The following NOS1AP variants were observed in gnomAD, a reference collection of about 807,000 sequenced individuals.
NOS1AP encodes the protein carboxyl-terminal PDZ ligand of neuronal nitric oxide synthase protein.
NOS1AP carries 21 observed loss-of-function variants against 56.2 expected under a neutral mutation model. That is an observed-to-expected ratio of 0.37 (90% CI 0.26 to 0.54). The LOEUF (loss-of-function observed/expected upper bound fraction) is 0.54. Ranked by LOEUF, NOS1AP falls within the 20% of genes least tolerant of loss-of-function variation. NOS1AP has a pLI of 0.84. For missense variants in NOS1AP, 522 were observed against 657.8 expected, an observed-to-expected ratio of 0.79 and a Z score of 2.26; for synonymous variants, 270 against 274.6, an observed-to-expected ratio of 0.98 and a Z score of 0.17.
chr1:162,306,366 C>T (rs1655827829), intron 4 of NOS1AP, among the ~76,000 whole-genome samples: 1 of 152,160 alleles, frequency 6.6e-6, no homozygotes, highest in Admixed American at 6.5e-5. Context: ...AAAGTGAGGA[C>T]AGACTTAAGC....
chr1:162,315,781 C>A (rs181971308), intron 4 of NOS1AP, among the ~76,000 whole-genome samples: 1 of 152,276 alleles, frequency 6.6e-6, no homozygotes, highest in Non-Finnish European at 1.5e-5. Flanking sequence ...AATCTTTCAA[C>A]GTTTATTGTA....
Position 162,118,421 on chromosome 1 carries a change from C to T in NOS1AP, c.106-35984C>T, listed in dbSNP as rs118077420. ...GCCTCCAGCTACATCCACGTTGCTG[C>T]AAACGACATGATTTCATTCTTTTTT... On this transcript the variant is annotated intron_variant, in intron 1 of 9. Transcript: ENST00000361897. Among the ~76,000 whole-genome samples, 201 of 152,290 alleles carry T rather than the reference C, an allele frequency of 1.3e-3. 3 individuals are homozygous for T. The East Asian group carries it at 0.035, about 26-fold the overall frequency.
chr1:162,153,546 A>T (rs1361120797), intron 1 of NOS1AP, among the ~76,000 whole-genome samples: 1 of 152,244 alleles, frequency 6.6e-6, no homozygotes, highest in Non-Finnish European at 1.5e-5. Context: ...GTAGTGTCAT[A>T]GCATGTCCAC....
At chr1:162,179,726 A>G (rs1036141105) in intron 2 of NOS1AP, among the ~76,000 whole-genome samples, 3 of 152,196 alleles carry the variant, frequency 2.0e-5, no homozygotes, top group African/African-American at 7.2e-5. Flanking sequence ...GAGAGAGCAC[A>G]GGGAGGGCTG....
intron 2 of NOS1AP, among the ~76,000 whole-genome samples, chr1:162,166,243 A>G (rs1418787585): frequency 1.3e-5 from 2 of 152,176 alleles, no homozygotes; most frequent in Non-Finnish European, 2.9e-5. Context: ...TGCCTGGCTC[A>G]TCTGTATAAG....
At chr1:162,080,650 A>G (rs1325855876) in intron 1 of NOS1AP, among the ~76,000 whole-genome samples, 1 of 152,194 alleles carries the variant, frequency 6.6e-6, no homozygotes, top group Non-Finnish European at 1.5e-5. Flanking sequence ...TTGCAGAATT[A>G]TCATGCATCC....
intron 2 of NOS1AP, among the ~76,000 whole-genome samples, chr1:162,262,148 G>A (rs1654260053): frequency 6.6e-6 from 1 of 152,148 alleles, no homozygotes; most frequent in African/African-American, 2.4e-5. Flanking sequence ...TCCATGATGG[G>A]AGTCTGACAC....
At chr1:162,313,788 G>A (rs896558123) in intron 4 of NOS1AP, among the ~76,000 whole-genome samples, 3 of 152,164 alleles carry the variant, frequency 2.0e-5, no homozygotes, top group Non-Finnish European at 4.4e-5. Context: ...AAATGAGGGA[G>A]GGAAAGGAGG....
chr1:162,211,371 A>T (rs1253592498), intron 2 of NOS1AP, among the ~76,000 whole-genome samples: 4 of 152,262 alleles, frequency 2.6e-5, no homozygotes, highest in African/African-American at 9.6e-5. Context: ...TATGAGAAGG[A>T]CATCTCTCTC....
chr1:162,232,044 G>A (rs1178733752), intron 2 of NOS1AP, among the ~76,000 whole-genome samples: 1 of 152,168 alleles, frequency 6.6e-6, no homozygotes, highest in African/African-American at 2.4e-5. Context: ...TTATGCTCTT[G>A]TAGCACAGAG....
At chr1:162,133,362 G>A (rs926783693) in intron 1 of NOS1AP, among the ~76,000 whole-genome samples, 5 of 152,052 alleles carry the variant, frequency 3.3e-5, no homozygotes, top group Non-Finnish European at 5.9e-5. Flanking sequence ...TCTTGCCTAG[G>A]ACCAATTATT....
intron 4 of NOS1AP, among the ~76,000 whole-genome samples, chr1:162,323,928 T>C (rs1656496221): frequency 6.6e-6 from 1 of 152,198 alleles, no homozygotes. Flanking sequence ...ATGATTATTT[T>C]GCACTGGGAA....
intron 1 of NOS1AP, among the ~76,000 whole-genome samples, chr1:162,129,342 C>A (rs2102061296): frequency 6.6e-6 from 1 of 152,276 alleles, no homozygotes; most frequent in South Asian, 2.1e-4. Flanking sequence ...TCTCTGCCAT[C>A]CAGCCTCATT....
rs547664428 is a variant in NOS1AP at position 162,101,119 on chromosome 1, TG to T, written c.105+30838del. 1.1e-3 allele frequency among the ~76,000 whole-genome samples: 165 copies of T among 152,316 alleles called. 2 individuals are homozygous for T. The highest frequency in any genetic ancestry group is 2.1e-3 in the South Asian group (10 of 4,822). ...ATCTTCAGTTAATTTTTTTATATGG[TG>T]TAAGGAAGGGGTCCAGTTTCAGTTT... On this transcript the variant is annotated intron_variant, in intron 1 of 9. Transcript: ENST00000361897.
In NOS1AP at chr1:162,333,098, G is replaced by A. The variant is rs1571225175; in HGVS notation, c.426G>A (p.Arg142=). ...IARDGASNIF[R]CNVFKSKKKS... ...GAGATGGTGCCAGCAATATCTTCAG[G>A]TGTAACGTCTTTAAATCCAAGAAGA... is the stretch of plus-strand genomic sequence containing the variant. The change falls in exon 5 of 10, where the codon AGG becomes AGA. Residue 142 remains arginine (R), a synonymous_variant. Coordinates refer to ENST00000361897, the MANE Select transcript of NOS1AP (RefSeq NM_014697.3). 6.2e-7 allele frequency: 1 copy of A among 1,613,506 alleles called. No homozygotes were observed. The highest frequency in any genetic ancestry group is 8.5e-7 in the Non-Finnish European group (1 of 1,179,546).
chr1:162,336,737 G>T (rs577879384), intron 5 of NOS1AP, among the ~76,000 whole-genome samples: 1 of 152,182 alleles, frequency 6.6e-6, no homozygotes, highest in Non-Finnish European at 1.5e-5. Flanking sequence ...AGAAAGATAC[G>T]TGAGCCTTTC....
In NOS1AP at chr1:162,098,102, C is replaced by CTTT. The variant is rs35307081; in HGVS notation, c.105+27840_105+27842dup. ...TTATAATAGTTTCTTCTCTCTTTTG[C>CTTT]TTTTTTTTTTTTTTTTTTTTTTGAG... On this transcript the variant is annotated intron_variant, in intron 1 of 9. Transcript: ENST00000361897. Among the ~76,000 whole-genome samples, 259 of 80,602 alleles carry CTTT rather than the reference C, an allele frequency of 3.2e-3. 3 individuals are homozygous for CTTT. The highest frequency in any genetic ancestry group is 6.5e-3 in the African/African-American group (128 of 19,684). 52.9% of individuals were successfully genotyped at this position (80,602 alleles called of 152,430 possible). A position where few individuals can be genotyped will look rare whatever the true frequency, so the allele number is the denominator to read the frequency against.
intron 4 of NOS1AP, 118 bp downstream of exon 4, chr1:162,300,824 C>A: frequency 2.5e-6 from 2 of 800,112 alleles, no homozygotes; most frequent in South Asian, 1.4e-5. Context: ...ATGCTTTTCC[C>A]TCCTGAGACC....
intron 2 of NOS1AP, among the ~76,000 whole-genome samples, chr1:162,204,733 A>AGAGAAAT (rs1652107884): frequency 6.6e-6 from 1 of 152,252 alleles, no homozygotes; most frequent in Admixed American, 6.5e-5. Flanking sequence ...GGAACGGAAC[A>AGAGAAAT]GAGAAATGTG....
Sources: allele counts gnomAD v4.1 joint callset (sites outside exome capture counted in the v4.1 genomes callset), GRCh38; gene constraint gnomAD v4.1.1; transcripts MANE v1.5; gene names NCBI Gene and HGNC (gene_info 2026-07-23, HGNC 2026-07-21).